The following PSMD9 variants were observed in gnomAD, a reference collection of about 807,000 sequenced individuals.
PSMD9 encodes proteasome 26S subunit, non-ATPase 9.
PSMD9 carries 26 observed loss-of-function variants against 25.9 expected under a neutral mutation model. That is an observed-to-expected ratio of 1.00 (90% confidence interval 0.73 to 1.39). The LOEUF is 1.39. Among genes scored for constraint, PSMD9 ranks in the 40% most tolerant of loss-of-function variants. The pLI is 0.00. For missense variants in PSMD9, 303 were observed against 299.3 expected, an observed-to-expected ratio of 1.01 and a Z score of -0.09; for synonymous variants, 110 against 114.5, an observed-to-expected ratio of 0.96 and a Z score of 0.25.
chr12:121,896,386 C>T (rs1488228721), intron 2 of PSMD9, among the ~76,000 whole-genome samples: 1 of 152,088 alleles, frequency 6.6e-6, no homozygotes, highest in Non-Finnish European at 1.5e-5. Context: ...AGGAGAATCA[C>T]TTGAACCCAG....
rs1165591542 is a variant in PSMD9, at chr12:121,888,973, C to T, written c.117C>T (p.Ala39=). The stretch of plus-strand genomic sequence containing the variant: ...AGGAGATAGAAGCGCAGATCAAGGC[C>T]AACTATGACGTGCTGGAAAGCGTGA... ...RKEEIEAQIK[A]NYDVLESQKG... is the part of the protein sequence containing the mutation. Residue 39 remains alanine, a synonymous_variant, in exon 1 of 6, where the codon GCC becomes GCT. Transcript: ENST00000541212. 2 of 1,589,152 alleles carry T rather than the reference C, an allele frequency of 1.3e-6. No individual in the cohort carries two copies. Among genetic ancestry groups the T allele is most frequent in the Admixed American group, 1.8e-5 (1 of 54,584 alleles).
At position 121,899,853 on chromosome 12, in the gene PSMD9, AG is replaced by A. The variant is rs1481528273; in HGVS notation, c.453+12del. The A allele has an allele frequency of 4.3e-6, 7 of 1,613,824 alleles. No homozygotes were observed. The highest frequency in any genetic ancestry group is 1.7e-5 in the Admixed American group (1 of 60,000). On this transcript the variant is annotated intron_variant, in intron 3 of 5. Transcript: ENST00000541212. The stretch of plus-strand genomic sequence containing the variant: ...TCCCCAGCCAGCATCGCGGTAATCC[AG>A]GGGTTGGCCACTCAAGTCCATGCCC...
At chr12:121,894,657 T>C (rs1879178931) in intron 1 of PSMD9, 82 bp from the exon 2 acceptor site, 4 of 1,197,246 alleles carry the variant, frequency 3.3e-6, no homozygotes, top group Admixed American at 3.7e-5. Flanking sequence ...TTATTATGAC[T>C]TCAGAGGAGA....
chr12:121,894,823 G>A lies in PSMD9; in HGVS notation c.223G>A (p.Ala75Thr), dbSNP rs779918992. 9.9e-6 allele frequency: 16 copies of A among 1,613,486 alleles called. No homozygotes were observed. Among genetic ancestry groups the A allele is most frequent in the South Asian group, 7.7e-5 (7 of 90,924 alleles). The part of the protein sequence containing the change: ...SDVDLYQVRT[A>T]RHNIICLQND... ...CGTGGACCTGTACCAAGTCCGCACC[G>A]CCAGGCACAACATCATATGTGAGTG... Residue 75 changes from alanine (A) to threonine (T), a missense_variant, in exon 2 of 6, where the codon GCC (alanine) becomes ACC (threonine). Physicochemically the swap from Ala to Thr is moderately conservative, Grantham distance 58 (BLOSUM62 0). Transcript: ENST00000541212.
chr12:121,889,407 A>G (rs1023639617), intron 1 of PSMD9, among the ~76,000 whole-genome samples: 12 of 152,174 alleles, frequency 7.9e-5, no homozygotes, highest in African/African-American at 2.9e-4. Context: ...TTGTAAAGAC[A>G]GAGTCTCACT....
rs1879467259 is a variant in PSMD9 at position 121,903,709 on chromosome 12, C to A, written c.555+602C>A. Among the ~76,000 whole-genome samples, 3 of 151,916 alleles carry A rather than the reference C, an allele frequency of 2.0e-5. No homozygotes were observed. In the South Asian group the frequency reaches 6.2e-4, roughly 32 times the overall value. Reference sequence around the variant, plus strand: ...TAACCCAAATTCCCCTCTCCTCTGCCCTGTCTCTGTTTTCATTTAACAAGG... The same window carrying A: ...TAACCCAAATTCCCCTCTCCTCTGCACTGTCTCTGTTTTCATTTAACAAGG... On this transcript the variant is annotated intron_variant, in intron 4 of 5. Transcript: ENST00000541212.
intron 4 of PSMD9, 40 bp from the exon 5 acceptor site, chr12:121,915,816 T>C: frequency 6.5e-7 from 1 of 1,539,884 alleles, no homozygotes; most frequent in African/African-American, 1.4e-5. Context: ...CTCTGAGTAC[T>C]AACGAGGCTG....
intron 4 of PSMD9, among the ~76,000 whole-genome samples, chr12:121,905,291 G>T (rs1479610627): frequency 6.7e-6 from 1 of 149,874 alleles, no homozygotes; most frequent in Non-Finnish European, 1.5e-5. Flanking sequence ...GCAGTCTCGG[G>T]GGGGCTACTG....
At chr12:121,894,494 T>G (rs554149864) in intron 1 of PSMD9, 46 of 447,222 alleles carry the variant, frequency 1.0e-4, no homozygotes, top group Admixed American at 1.8e-4. Flanking sequence ...TCGGCACTGT[T>G]TTAACTTCAA....
chr12:121,911,415 G>A (rs913517640), intron 4 of PSMD9, among the ~76,000 whole-genome samples: 1 of 152,102 alleles, frequency 6.6e-6, no homozygotes, highest in African/African-American at 2.4e-5. Context: ...TCCTTTTAAA[G>A]GCTGTATAAT....
At chr12:121,893,676 T>C (rs1879151775) in intron 1 of PSMD9, 2 of 152,324 alleles carry the variant, frequency 1.3e-5, no homozygotes, top group South Asian at 4.1e-4. Context: ...TGCATCTTCA[T>C]GTGGCCTTCC....
chr12:121,900,193 A>G (rs1316286725), intron 3 of PSMD9, among the ~76,000 whole-genome samples: 2 of 152,146 alleles, frequency 1.3e-5, no homozygotes, highest in Non-Finnish European at 2.9e-5. Context: ...CAAATGAGTT[A>G]TGCATCTTAT....
chr12:121,899,937 C>A (rs1373579985), intron 3 of PSMD9, 92 bp downstream of exon 3: 2 of 1,404,724 alleles, frequency 1.4e-6, no homozygotes, highest in Non-Finnish European at 1.0e-6. Flanking sequence ...CTAGTTCTCT[C>A]CGTGCTGCGG....
At chr12:121,915,707 C>T (rs896506716) in intron 4 of PSMD9, 149 bp from the exon 5 acceptor site, 9 of 695,720 alleles carry the variant, frequency 1.3e-5, no homozygotes, top group Admixed American at 2.8e-5. Context: ...TGCAGTGCCA[C>T]GTTCCCCACC....
intron 2 of PSMD9, among the ~76,000 whole-genome samples, chr12:121,896,936 C>T (rs1174976049): frequency 6.6e-6 from 1 of 151,328 alleles, no homozygotes; most frequent in Non-Finnish European, 1.5e-5. Context: ...AGCATATATA[C>T]ACATACATGT....
chr12:121,896,360 C>G (rs759185981), intron 2 of PSMD9, among the ~76,000 whole-genome samples: 1 of 151,808 alleles, frequency 6.6e-6, no homozygotes, highest in African/African-American at 2.4e-5. Context: ...ATTCCAGCTA[C>G]TTGGGAGGCT....
rs1321273227 is a variant in PSMD9, at chr12:121,916,585, C to A, written c.*274C>A. The A allele has an allele frequency of 3.8e-6, 2 of 526,490 alleles. No individual in the cohort carries two copies. Among genetic ancestry groups the A allele is most frequent in the African/African-American group, 1.9e-5 (1 of 52,726 alleles). The allele number at this position is 526,490 out of a possible 1,614,324, so 32.6% of individuals were successfully genotyped here. A position where few individuals can be genotyped will look rare whatever the true frequency, so the allele number is the denominator to read the frequency against. On this transcript the variant is annotated 3_prime_UTR_variant, in exon 6 of 6. Coordinates refer to ENST00000541212, the MANE Select transcript of PSMD9 (RefSeq NM_002813.7). ...GGCAAGTGGGCGGAAGTTATTCTGG[C>A]AGGTACTGGTGTGATTATTATTATT...
chr12:121,912,868 CAAA>C (rs35325016), intron 4 of PSMD9, among the ~76,000 whole-genome samples: 2 of 85,806 alleles, frequency 2.3e-5, no homozygotes, highest in Non-Finnish European at 4.4e-5. Flanking sequence ...AACCCTGTCT[CAAA>C]AAAAAAAAAA....
rs1246853639 is a variant in PSMD9 at position 121,917,115 on chromosome 12, C to G, written c.*804C>G. ...CGCTGTGGGCACTGCCTCAGCCGCCCAAGTATCTGGGACCACAGGCGTGCA... is the reference window on the plus strand; with the variant it reads ...CGCTGTGGGCACTGCCTCAGCCGCCGAAGTATCTGGGACCACAGGCGTGCA... On this transcript the variant is annotated 3_prime_UTR_variant, in exon 6 of 6. Coordinates refer to ENST00000541212, the MANE Select transcript of PSMD9 (RefSeq NM_002813.7). 6.6e-6 allele frequency: 1 copy of G among 152,316 alleles called. No individual in the cohort carries two copies. The highest frequency in any genetic ancestry group is 1.9e-4 in the East Asian group (1 of 5,198). The allele number at this position is 152,316 out of a possible 1,614,324, so 9.4% of individuals were successfully genotyped here. A position where few individuals can be genotyped will look rare whatever the true frequency, so the allele number is the denominator to read the frequency against.
Sources: gnomAD v4.1 joint callset for allele counts (sites outside exome capture counted in the v4.1 genomes callset) on GRCh38, gnomAD v4.1.1 for gene constraint, MANE v1.5 for transcripts, NCBI Gene and HGNC (gene_info 2026-07-23, HGNC 2026-07-21) for gene names.